LRRC4C: variants seen among roughly 807,000 people sequenced by gnomAD.
LRRC4C encodes the protein leucine rich repeat containing 4C.
LRRC4C carries 5 observed loss-of-function variants against 33.6 expected under a neutral mutation model. The ratio of observed to expected loss-of-function variants is 0.15; its 90% confidence interval spans 0.08 to 0.31. The LOEUF (loss-of-function observed/expected upper bound fraction) is 0.31. Among genes scored for constraint, LRRC4C ranks in the 10% least tolerant of loss-of-function variants. The pLI is 1.00. For missense variants in LRRC4C, 560 were observed against 796.7 expected (o/e 0.70, Z 3.58); for synonymous variants, 329 against 302.0 (o/e 1.09, Z -0.93).
intron 1 of LRRC4C, among the ~76,000 whole-genome samples, chr11:40,976,324 T>C (rs1852083128): frequency 1.3e-5 from 2 of 152,170 alleles, no homozygotes. Flanking sequence ...TATTTACCAC[T>C]ATAATCACTC....
intron 1 of LRRC4C, among the ~76,000 whole-genome samples, chr11:41,210,221 G>A (rs1359696344): frequency 6.6e-6 from 1 of 152,208 alleles, no homozygotes; most frequent in Non-Finnish European, 1.5e-5. Context: ...GATATGGTTT[G>A]AGTGTGTCTT....
At chr11:41,301,014 T>A (rs2137076315) in intron 1 of LRRC4C, among the ~76,000 whole-genome samples, 1 of 152,316 alleles carries the variant, frequency 6.6e-6, no homozygotes, top group Admixed American at 6.5e-5. Context: ...AAATTTTTGT[T>A]TGGATATTAA....
chr11:40,966,134 G>A (rs926920966), intron 1 of LRRC4C, among the ~76,000 whole-genome samples: 14 of 151,884 alleles, frequency 9.2e-5, no homozygotes, highest in East Asian at 3.9e-4. Flanking sequence ...AAGTATTTGC[G>A]AGTAGAGATG....
chr11:41,277,681 C>A (rs1949527006), intron 1 of LRRC4C, among the ~76,000 whole-genome samples: 1 of 152,030 alleles, frequency 6.6e-6, no homozygotes, highest in Admixed American at 6.6e-5. Flanking sequence ...CAATTGAGCA[C>A]CTGCAAATTT....
chr11:40,959,632 G>A (rs1959112717), intron 1 of LRRC4C, among the ~76,000 whole-genome samples: 1 of 151,664 alleles, frequency 6.6e-6, no homozygotes, highest in South Asian at 2.1e-4. Flanking sequence ...TATTAAAGGT[G>A]TTTCCAATTT....
At chr11:41,372,272 T>C (rs1169751964) in intron 1 of LRRC4C, among the ~76,000 whole-genome samples, 1 of 152,234 alleles carries the variant, frequency 6.6e-6, no homozygotes, top group Non-Finnish European at 1.5e-5. Flanking sequence ...AGCAACTAAG[T>C]AACCACGAAT....
chr11:40,350,252 C>T (rs1947323515), intron 3 of LRRC4C, among the ~76,000 whole-genome samples: 2 of 152,010 alleles, frequency 1.3e-5, no homozygotes, highest in Non-Finnish European at 2.9e-5. Context: ...TTAATCCATT[C>T]TGATCTGATT....
chr11:41,085,088 T>G (rs1220747574), intron 1 of LRRC4C, among the ~76,000 whole-genome samples: 1 of 152,224 alleles, frequency 6.6e-6, no homozygotes, highest in Non-Finnish European at 1.5e-5. Context: ...TCACAAGTCT[T>G]TGCTCATAAT....
At chr11:41,289,669 T>C (rs1949937580) in intron 1 of LRRC4C, among the ~76,000 whole-genome samples, 1 of 152,180 alleles carries the variant, frequency 6.6e-6, no homozygotes, top group African/African-American at 2.4e-5. Context: ...GATCGCACCT[T>C]AGTCCTAGAC....
chr11:40,500,271 G>GATATATAT (rs377169790), intron 3 of LRRC4C, among the ~76,000 whole-genome samples: 26 of 105,034 alleles, frequency 2.5e-4, no homozygotes, highest in East Asian at 1.5e-3. Flanking sequence ...CCTAATGTCT[G>GATATATAT]ATATATATAT....
intron 3 of LRRC4C, among the ~76,000 whole-genome samples, chr11:40,406,062 G>C (rs973949651): frequency 1.3e-5 from 2 of 152,084 alleles, no homozygotes. Flanking sequence ...TACATCCACA[G>C]ATCACTGCGG....
chr11:40,883,393 A>T (rs567613669), intron 2 of LRRC4C, among the ~76,000 whole-genome samples: 1 of 152,240 alleles, frequency 6.6e-6, no homozygotes, highest in African/African-American at 2.4e-5. Flanking sequence ...TACTGAGAAA[A>T]AAAAGGGGAT....
chr11:40,921,914 A>G (rs1179801460), intron 2 of LRRC4C, among the ~76,000 whole-genome samples: 1 of 152,162 alleles, frequency 6.6e-6, no homozygotes. Context: ...ACCACACTTG[A>G]ATTTTTGGAA....
rs373363366 is a variant in LRRC4C, at chr11:40,683,687, G to A, written c.-406-35409C>T. On this transcript the variant is annotated intron_variant, in intron 2 of 6. Coordinates refer to ENST00000528697, the MANE Select transcript of LRRC4C (RefSeq NM_001258419.2). ...ATATGTATTTATTTAAAGATCATAC[G>A]AAAACTGTAGAAAAGGTTTGGTTCT... Among the ~76,000 whole-genome samples, 49 of 152,212 alleles carry A rather than the reference G, an allele frequency of 3.2e-4. No homozygotes were observed. In the East Asian group the frequency reaches 7.0e-3, roughly 22 times the overall value.
intron 3 of LRRC4C, among the ~76,000 whole-genome samples, chr11:40,491,898 G>A (rs765751512): frequency 8.5e-5 from 13 of 152,128 alleles, no homozygotes; most frequent in Non-Finnish European, 1.5e-4. Flanking sequence ...GAAACTTGGA[G>A]GCCATTCTAT....
chr11:41,293,981 G>A (rs1950066947), intron 1 of LRRC4C, among the ~76,000 whole-genome samples: 2 of 152,066 alleles, frequency 1.3e-5, no homozygotes, highest in African/African-American at 4.8e-5. Context: ...CACATTTTGA[G>A]CCTTTTAAAT....
At chr11:40,400,310 A>G (rs555145094) in intron 3 of LRRC4C, among the ~76,000 whole-genome samples, 1 of 152,226 alleles carries the variant, frequency 6.6e-6, no homozygotes, top group African/African-American at 2.4e-5. Context: ...ATTAAAACTT[A>G]AACTTCTATT....
intron 3 of LRRC4C, among the ~76,000 whole-genome samples, chr11:40,450,850 A>C (rs1354254026): frequency 6.6e-6 from 1 of 151,974 alleles, no homozygotes; most frequent in African/African-American, 2.4e-5. Context: ...GAAACCAGAA[A>C]GAGAAAGAAA....
At chr11:40,545,065 G>A (rs1485563249) in intron 3 of LRRC4C, among the ~76,000 whole-genome samples, 1 of 151,812 alleles carries the variant, frequency 6.6e-6, no homozygotes, top group East Asian at 1.9e-4. Context: ...TGGCTTTTAA[G>A]ACCCAGCTCA....
Sources: gnomAD v4.1 joint callset for allele counts (sites outside exome capture counted in the v4.1 genomes callset) on GRCh38, gnomAD v4.1.1 for gene constraint, MANE v1.5 for transcripts, NCBI Gene and HGNC (gene_info 2026-07-23, HGNC 2026-07-21) for gene names.